IDH3A: variants seen among roughly 807,000 people sequenced by gnomAD.
IDH3A encodes isocitrate dehydrogenase [NAD] subunit alpha, mitochondrial.
A neutral mutation model predicts 43.3 loss-of-function variants in IDH3A; 23 were observed. The observed-to-expected ratio is 0.53, with a 90% CI of 0.38 to 0.75. The LOEUF is 0.75. Ranked by LOEUF, IDH3A falls within the 30% of genes least tolerant of loss-of-function variation. IDH3A has a pLI of 0.00. For synonymous variants in IDH3A, 154 were observed against 163.5 expected, an observed-to-expected ratio of 0.94 and a Z score of 0.44; for missense variants, 329 against 474.4, an observed-to-expected ratio of 0.69 and a Z score of 2.85.
rs572656350 is a variant in IDH3A, at chr15:78,162,201, C to G, written c.478-33C>G. 3.7e-6 allele frequency: 6 copies of G among 1,613,188 alleles called. No homozygotes were observed. The South Asian group carries it at 6.6e-5, about 18-fold the overall frequency. ...TCTCCCACTGCGTTGCTGTCACACT[C>G]TTTCCAGCAAGGTGGGACTTCCTGT... On this transcript the variant is annotated intron_variant, in intron 5 of 10. Transcript: ENST00000299518.
At chr15:78,156,997 T>TA in intron 2 of IDH3A, 3 of 1,336,980 alleles carry the variant, frequency 2.2e-6, no homozygotes, top group Non-Finnish European at 9.8e-7. Context: ...GCTCTCTTGA[T>TA]AAAAAGTCTG....
chr15:78,162,413 G>C, intron 6 of IDH3A, 46 bp downstream of exon 6: 1 of 1,600,868 alleles, frequency 6.2e-7, no homozygotes, highest in Non-Finnish European at 8.5e-7. Flanking sequence ...TTTGTTGTGG[G>C]AGAGCAGTGA....
Position 78,153,985 on chromosome 15 carries a change from G to C in IDH3A, c.28-1228G>C, listed in dbSNP as rs558838653. On this transcript the variant is annotated intron_variant, in intron 1 of 10. Transcript: ENST00000299518. ...AGATTGCACCATTGCACTCCAGCCT[G>C]GGCAACAAGAGTGAAACTCTGTCTC... 2.0e-5 allele frequency among the ~76,000 whole-genome samples: 3 copies of C among 152,076 alleles called. No homozygotes were observed. In the East Asian group the frequency reaches 5.8e-4, roughly 29 times the overall value.
rs1473827906 is a variant in IDH3A, at chr15:78,170,839, TC to T, written c.*1836del. On this transcript the variant is annotated 3_prime_UTR_variant, in exon 11 of 11. Coordinates refer to ENST00000299518, the MANE Select transcript of IDH3A (RefSeq NM_005530.3). ...TGCTCAATTGACAAAAAAAATCAGG[TC>T]CTTGTTGACAGTTCTGTTAAAAGGT... 1 of 152,946 alleles carries T rather than the reference TC, an allele frequency of 6.5e-6. No homozygotes were observed. 9.5% of individuals were successfully genotyped at this position (152,946 alleles called of 1,614,324 possible). A position where few individuals can be genotyped will look rare whatever the true frequency, so the allele number is the denominator to read the frequency against.
Position 78,161,380 on chromosome 15 carries a change from C to T in IDH3A, c.290-201C>T, listed in dbSNP as rs2074680000. Among the ~76,000 whole-genome samples, 1 of 152,112 alleles carries T rather than the reference C, an allele frequency of 6.6e-6. No individual in the cohort carries two copies. On this transcript the variant is annotated intron_variant, in intron 4 of 10. Transcript: ENST00000299518. The surrounding 1 kb of genome is among the most constrained non-coding windows in gnomAD (Gnocchi z 4.8). ...AAGCACATGATTACAATGCTTGATC[C>T]TCAGGAAGTTCTGAAGATAAGAAAC...
intron 3 of IDH3A, among the ~76,000 whole-genome samples, chr15:78,158,463 A>ATATATATATATATT (rs1212083496): frequency 1.5e-5 from 1 of 67,378 alleles, no homozygotes; most frequent in African/African-American, 5.5e-5. Flanking sequence ...ATATATATAT[A>ATATATATATATATT]TTTTTTTTTT....
At chr15:78,160,540 G>A (rs2074671551) in intron 4 of IDH3A, among the ~76,000 whole-genome samples, 2 of 152,038 alleles carry the variant, frequency 1.3e-5, no homozygotes, top group South Asian at 4.2e-4. Flanking sequence ...TGCCCAGGCT[G>A]GAGTGCAGTG....
At chr15:78,166,996 A>G (rs2074751374) in intron 10 of IDH3A, among the ~76,000 whole-genome samples, 1 of 152,222 alleles carries the variant, frequency 6.6e-6, no homozygotes, top group Non-Finnish European at 1.5e-5. Context: ...AGTGTACCTT[A>G]TAAGGTGTGA....
At chr15:78,154,259 A>G (rs1007732597) in intron 1 of IDH3A, among the ~76,000 whole-genome samples, 99 of 151,462 alleles carry the variant, frequency 6.5e-4, no homozygotes, top group African/African-American at 2.3e-3. Flanking sequence ...CTTTTATTTT[A>G]TATTTTGTAT....
At position 78,169,982 on chromosome 15, in the gene IDH3A, C is replaced by T. The variant is rs2074799949; in HGVS notation, c.*977C>T. 1.3e-5 allele frequency: 2 copies of T among 152,240 alleles called. No individual in the cohort carries two copies. The highest frequency in any genetic ancestry group is 4.8e-5 in the African/African-American group (2 of 41,442). 9.4% of individuals were successfully genotyped at this position (152,240 alleles called of 1,614,324 possible). A position where few individuals can be genotyped will look rare whatever the true frequency, so the allele number is the denominator to read the frequency against. ...TTGGGATGCTATTAATTTTGTATTTCAGCAACTGCCCCTTCTCCTATCCCA... is the reference window on the plus strand; with the variant it reads ...TTGGGATGCTATTAATTTTGTATTTTAGCAACTGCCCCTTCTCCTATCCCA... On this transcript the variant is annotated 3_prime_UTR_variant, in exon 11 of 11. Coordinates refer to ENST00000299518, the MANE Select transcript of IDH3A (RefSeq NM_005530.3).
intron 4 of IDH3A, among the ~76,000 whole-genome samples, chr15:78,160,948 C>G (rs2074676095): frequency 6.6e-6 from 1 of 152,188 alleles, no homozygotes; most frequent in African/African-American, 2.4e-5. Flanking sequence ...GTGCCGTGAT[C>G]TCGGCTCACT....
rs2074799331 is a variant in IDH3A, at chr15:78,169,931, A to G, written c.*926A>G. 6.6e-6 allele frequency: 1 copy of G among 152,222 alleles called. No homozygotes were observed. The allele number at this position is 152,222 out of a possible 1,614,324, so 9.4% of individuals were successfully genotyped here. On this transcript the variant is annotated 3_prime_UTR_variant, in exon 11 of 11. Transcript: ENST00000299518. ...CGATACTGCCGAAAGGCCCGAACAC[A>G]TGTATTTTGGCTGCAATTGAGGAAC...
intron 3 of IDH3A, among the ~76,000 whole-genome samples, chr15:78,159,065 T>G (rs2074655186): frequency 6.6e-6 from 1 of 152,190 alleles, no homozygotes; most frequent in Non-Finnish European, 1.5e-5. Context: ...ACTCCTGACC[T>G]CAGGTGATCC....
In IDH3A at chr15:78,149,436, C is replaced by CGCTGGCAGGCCGGCGTGTGGCAG. The variant is rs752544028; in HGVS notation, c.27+9_27+31dup. 4 of 1,539,738 alleles carry CGCTGGCAGGCCGGCGTGTGGCAG rather than the reference C, an allele frequency of 2.6e-6. No individual in the cohort carries two copies. The highest frequency in any genetic ancestry group is 3.5e-6 in the Non-Finnish European group (4 of 1,150,200). On this transcript the variant is annotated splice_region_variant and intron_variant, in intron 1 of 10. Coordinates refer to ENST00000299518, the MANE Select transcript of IDH3A (RefSeq NM_005530.3). ...GGCCCGCGTGGATCTCTAAGGTGAG[C>CGCTGGCAGGCCGGCGTGTGGCAG]GCTGGCAGGCCGGCGTGTGGCAGGC...
At chr15:78,152,688 C>T (rs543508163) in intron 1 of IDH3A, among the ~76,000 whole-genome samples, 4 of 152,168 alleles carry the variant, frequency 2.6e-5, no homozygotes, top group Admixed American at 1.3e-4. Context: ...CTGCTTGTCA[C>T]GAAGTAACCT....
Position 78,159,559 on chromosome 15 carries a change from A to G in IDH3A, c.175-533A>G, listed in dbSNP as rs1417329727. Reference sequence around the variant, plus strand: ...GTTAAGAGCCCTTGTGAAAAGAAATAAGTGGGCAGGTGGTAGCTGGGAGTG... The same window carrying G: ...GTTAAGAGCCCTTGTGAAAAGAAATGAGTGGGCAGGTGGTAGCTGGGAGTG... On this transcript the variant is annotated intron_variant, in intron 3 of 10. Transcript: ENST00000299518. Among the ~76,000 whole-genome samples, 3 of 152,206 alleles carry G rather than the reference A, an allele frequency of 2.0e-5. 1 individual carries two copies. The highest frequency in any genetic ancestry group is 7.2e-5 in the African/African-American group (3 of 41,462).
rs959261685 is a variant in IDH3A at position 78,169,240 on chromosome 15, GT to G, written c.*243del. 4.9e-5 allele frequency: 16 copies of G among 327,242 alleles called. No individual in the cohort carries two copies. Among genetic ancestry groups the G allele is most frequent in the South Asian group, 2.3e-4 (2 of 8,528 alleles). 20.3% of individuals were successfully genotyped at this position (327,242 alleles called of 1,614,324 possible). A position where few individuals can be genotyped will look rare whatever the true frequency, so the allele number is the denominator to read the frequency against. The stretch of plus-strand genomic sequence containing the variant: ...TTTATTAAGTGTCTACCTGGTAAAT[GT>G]TTTTTTTGTAAACTCTGAGTGGACT... On this transcript the variant is annotated 3_prime_UTR_variant, in exon 11 of 11. Coordinates refer to ENST00000299518, the MANE Select transcript of IDH3A (RefSeq NM_005530.3).
At chr15:78,164,969 T>C (rs1267947569) in intron 8 of IDH3A, 23 bp from the exon 9 acceptor site, 3 of 1,589,304 alleles carry the variant, frequency 1.9e-6, no homozygotes, top group Non-Finnish European at 2.6e-6. Context: ...AAAACATTCT[T>C]TGAAATGCTT....
rs1404498643 is a variant in IDH3A, at chr15:78,155,280, G to A, written c.90+5G>A. ...ACCAGAGGTTTTACTGGTGGTGTGA[G>A]TATAATTATGTCTTTTATTTTTTCC... On this transcript the variant is annotated splice_donor_5th_base_variant and intron_variant, in intron 2 of 10. Coordinates refer to ENST00000299518, the MANE Select transcript of IDH3A (RefSeq NM_005530.3). 1.2e-6 allele frequency: 2 copies of A among 1,600,220 alleles called. No individual in the cohort carries two copies. The highest frequency in any genetic ancestry group is 8.6e-7 in the Non-Finnish European group (1 of 1,168,490).
Sources: allele counts gnomAD v4.1 joint callset (sites outside exome capture counted in the v4.1 genomes callset), GRCh38; gene constraint gnomAD v4.1.1; non-coding constraint Gnocchi (gnomAD v3.1); transcripts MANE v1.5; gene names NCBI Gene and HGNC (gene_info 2026-07-23, HGNC 2026-07-21).